GAN: variants seen among roughly 807,000 people sequenced by gnomAD.
GAN encodes epididymis secretory sperm binding protein.
GAN carries 48 observed loss-of-function variants against 71.3 expected under a neutral mutation model. That is an observed-to-expected ratio of 0.67 (90% CI 0.53 to 0.86). GAN has a LOEUF of 0.86. Ranked by LOEUF, GAN falls within the 40% of genes least tolerant of loss-of-function variation. The pLI, the probability that GAN is intolerant of heterozygous loss-of-function variation, is 0.00. For missense variants in GAN, 928 were observed against 770.1 expected (o/e 1.21, Z -2.43); for synonymous variants, 386 against 276.8 (o/e 1.39, Z -3.92).
chr16:81,375,917 C>T (rs1428957378), intron 9 of GAN, among the ~76,000 whole-genome samples: 1 of 149,600 alleles, frequency 6.7e-6, no homozygotes, highest in Non-Finnish European at 1.5e-5. Context: ...CTGCAGTGAG[C>T]TGTGATTGCA....
At position 81,379,099 on chromosome 16, in the gene GAN, A is replaced by G. The variant is rs1174266085; in HGVS notation, c.*1503A>G. ...AAGCAGCATTTTGTCTTATTAACAC[A>G]TGTATAAAGGTATCCTTTGGTTTTA... is the stretch of plus-strand genomic sequence containing the variant. On this transcript the variant is annotated 3_prime_UTR_variant, in exon 11 of 11. Transcript: ENST00000648994. The G allele has an allele frequency of 1.3e-5, 2 of 151,944 alleles. No homozygotes were observed. Among genetic ancestry groups the G allele is most frequent in the East Asian group, 1.9e-4 (1 of 5,202 alleles). The allele number at this position is 151,944 out of a possible 1,614,324, so 9.4% of individuals were successfully genotyped here.
chr16:81,330,016 T>C (rs11648201), intron 1 of GAN, among the ~76,000 whole-genome samples: 52,000 of 152,014 alleles, frequency 0.34, 10,391 homozygotes, highest in East Asian at 0.72. Context: ...AGCAGAGATA[T>C]CATCACCTCG....
chr16:81,332,262 G>A (rs182631912), intron 1 of GAN, among the ~76,000 whole-genome samples: 12 of 152,272 alleles, frequency 7.9e-5, no homozygotes, highest in East Asian at 5.8e-4. Flanking sequence ...AGTCAGAGAC[G>A]TTGCAGGTCA....
chr16:81,365,923 G>A (rs1271457740), intron 9 of GAN, among the ~76,000 whole-genome samples: 1 of 152,074 alleles, frequency 6.6e-6, no homozygotes, highest in African/African-American at 2.4e-5. Flanking sequence ...AGCATATATA[G>A]CCTTTTGTGA....
At chr16:81,372,775 G>A (rs1016732626) in intron 9 of GAN, among the ~76,000 whole-genome samples, 1 of 152,232 alleles carries the variant, frequency 6.6e-6, no homozygotes, top group African/African-American at 2.4e-5. Flanking sequence ...TAGGCCTGAA[G>A]ACGTGAAATG....
In GAN at chr16:81,363,817, G is replaced by A. The variant is rs550436211; in HGVS notation, c.1110G>A (p.Val370=). Residue 370 remains valine (V), a synonymous_variant, in exon 7 of 11, where the codon GTG becomes GTA. Transcript: ENST00000648994. ...MNEARHNFGI[V]EIDGMLYILG... ...AGGCAAGACATAACTTCGGAATTGT[G>A]GAGATAGATGGGATGCTGTACATTT... 2 of 1,613,538 alleles carry A rather than the reference G, an allele frequency of 1.2e-6. No individual in the cohort carries two copies. Among genetic ancestry groups the A allele is most frequent in the East Asian group, 2.2e-5 (1 of 44,870 alleles).
intron 1 of GAN, among the ~76,000 whole-genome samples, chr16:81,347,992 C>T (rs574680630): frequency 2.6e-5 from 4 of 151,842 alleles, no homozygotes; most frequent in Non-Finnish European, 5.9e-5. Flanking sequence ...ACTTATCTCT[C>T]ATTTTCTTTT....
At chr16:81,364,519 A>T (rs927874687) in intron 7 of GAN, among the ~76,000 whole-genome samples, 1 of 152,116 alleles carries the variant, frequency 6.6e-6, no homozygotes, top group Non-Finnish European at 1.5e-5. Context: ...CCCCATCTCT[A>T]CAAAAAAGTT....
chr16:81,331,011 C>T (rs562215609), intron 1 of GAN, among the ~76,000 whole-genome samples: 1 of 152,236 alleles, frequency 6.6e-6, no homozygotes, highest in African/African-American at 2.4e-5. Context: ...TCTAGACCAA[C>T]CTGGGTACCA....
intron 9 of GAN, among the ~76,000 whole-genome samples, chr16:81,375,338 T>TTC (rs1904277087): frequency 1.0e-5 from 1 of 98,876 alleles, no homozygotes; most frequent in Non-Finnish European, 2.1e-5. Flanking sequence ...TTTTAATTTA[T>TTC]CTTTTTTTTT....
chr16:81,328,499 T>C (rs189675277), intron 1 of GAN, among the ~76,000 whole-genome samples: 9 of 152,352 alleles, frequency 5.9e-5, no homozygotes, highest in Admixed American at 3.3e-4. Context: ...TTGGGTTCTT[T>C]TTGTATTTTT....
chr16:81,320,511 T>C (rs529607954), intron 1 of GAN, among the ~76,000 whole-genome samples: 2 of 152,250 alleles, frequency 1.3e-5, no homozygotes, highest in African/African-American at 4.8e-5. Context: ...TTCACAGTAA[T>C]GTTCAGTTAA....
chr16:81,364,086 G>C, intron 7 of GAN, 143 bp downstream of exon 7: 1 of 750,804 alleles, frequency 1.3e-6, no homozygotes, highest in Non-Finnish European at 2.3e-6. Flanking sequence ...TCGGTAGTTT[G>C]CCTTCACTGT....
At chr16:81,374,680 G>A (rs933187236) in intron 9 of GAN, among the ~76,000 whole-genome samples, 7 of 152,138 alleles carry the variant, frequency 4.6e-5, no homozygotes, top group African/African-American at 1.7e-4. Flanking sequence ...CTTCACTGTG[G>A]CTTCCGTGTC....
intron 9 of GAN, among the ~76,000 whole-genome samples, chr16:81,375,965 C>G (rs1009596973): frequency 1.5e-5 from 2 of 137,864 alleles, no homozygotes; most frequent in African/African-American, 5.5e-5. Context: ...CAGAGTAAGA[C>G]CCTGTCTCAA....
At chr16:81,344,032 ATACATAGGAATACAACT>A (rs1910034447) in intron 1 of GAN, among the ~76,000 whole-genome samples, 2 of 152,334 alleles carry the variant, frequency 1.3e-5, no homozygotes, top group Admixed American at 1.3e-4. Flanking sequence ...AGAGAATAAA[ATACATAGGAATACAACT>A]TACAAGGGAT....
intron 1 of GAN, among the ~76,000 whole-genome samples, chr16:81,340,123 G>C (rs1394368725): frequency 1.3e-5 from 2 of 152,030 alleles, no homozygotes; most frequent in African/African-American, 4.8e-5. Context: ...GTTTTAAATA[G>C]AGATGAGGTC....
intron 5 of GAN, among the ~76,000 whole-genome samples, chr16:81,359,754 G>A (rs538192601): frequency 1.7e-4 from 26 of 152,240 alleles, no homozygotes; most frequent in African/African-American, 5.8e-4. Context: ...TGTACATACT[G>A]TGTGTTTTTA....
intron 1 of GAN, among the ~76,000 whole-genome samples, chr16:81,350,291 A>G (rs573902829): frequency 2.6e-5 from 4 of 152,334 alleles, no homozygotes; most frequent in African/African-American, 9.6e-5. Flanking sequence ...GAGAATGCAG[A>G]TGATAACCAC....
Sources: gnomAD v4.1 joint callset for allele counts (sites outside exome capture counted in the v4.1 genomes callset) on GRCh38, gnomAD v4.1.1 for gene constraint, MANE v1.5 for transcripts, NCBI Gene and HGNC (gene_info 2026-07-23, HGNC 2026-07-21) for gene names.